The following LRGUK variants were observed in gnomAD, a reference collection of about 807,000 sequenced individuals.
The protein encoded by LRGUK is leucine rich repeats and guanylate kinase domain containing.
Under a neutral mutation model 76.0 loss-of-function variants are expected in LRGUK, and 65 were observed. That is an observed-to-expected ratio of 0.85 (90% confidence interval 0.70 to 1.05). LRGUK has a LOEUF of 1.05. LRGUK is among the 50% of genes least tolerant of loss of function. The probability of loss-of-function intolerance (pLI) is 0.00; values close to 1 mark genes in which losing one functional copy is unlikely to be tolerated. For synonymous variants in LRGUK, 268 were observed against 265.6 expected (o/e 1.01, Z -0.09); for missense variants, 758 against 732.8 (o/e 1.03, Z -0.40).
chr7:134,237,290 C>G (rs759183744), intron 16 of LRGUK, among the ~76,000 whole-genome samples: 13 of 151,860 alleles, frequency 8.6e-5, no homozygotes, highest in African/African-American at 3.1e-4. Context: ...CTTGACCTTG[C>G]GACGCGCCTG....
intron 15 of LRGUK, among the ~76,000 whole-genome samples, chr7:134,220,494 C>T (rs1167330233): frequency 6.6e-6 from 1 of 152,064 alleles, no homozygotes; most frequent in East Asian, 1.9e-4. Flanking sequence ...TGTCCCCAGG[C>T]AAAGTCCCTA....
At chr7:134,266,714 G>A (rs1170978231), downstream of LRGUK, among the ~76,000 whole-genome samples, 1 of 152,196 alleles carries the variant, frequency 6.6e-6, no homozygotes, top group Non-Finnish European at 1.5e-5. Flanking sequence ...TACAAAAAGA[G>A]TGTGAGACTG....
chr7:134,170,624 T>C (rs1799200891), intron 7 of LRGUK, among the ~76,000 whole-genome samples: 1 of 152,146 alleles, frequency 6.6e-6, no homozygotes, highest in Non-Finnish European at 1.5e-5. Flanking sequence ...CATTGTATGC[T>C]TGTATCAAAA....
intron 16 of LRGUK, among the ~76,000 whole-genome samples, chr7:134,238,087 A>G (rs895391451): frequency 1.3e-5 from 2 of 152,198 alleles, no homozygotes; most frequent in African/African-American, 4.8e-5. Context: ...TAGCTACACT[A>G]TCAAAGCATA....
chr7:134,212,859 C>T (rs1302732923), downstream of LRGUK, among the ~76,000 whole-genome samples: 3 of 152,082 alleles, frequency 2.0e-5, no homozygotes, highest in African/African-American at 7.2e-5. Flanking sequence ...CTGAAGGCCC[C>T]ACAGCGTGTT....
At chr7:134,234,787 C>T (rs1340686519) in intron 16 of LRGUK, among the ~76,000 whole-genome samples, 1 of 151,016 alleles carries the variant, frequency 6.6e-6, no homozygotes, top group East Asian at 2.0e-4. Context: ...TCCTTTTCTT[C>T]CTTTCCCTTC....
intron 1 of LRGUK, among the ~76,000 whole-genome samples, chr7:134,134,249 G>C (rs571945602): frequency 2.7e-4 from 41 of 152,232 alleles, no homozygotes; most frequent in African/African-American, 9.4e-4. Context: ...TGTGGGATTA[G>C]AGAGAAACAC....
intron 16 of LRGUK, among the ~76,000 whole-genome samples, chr7:134,244,498 A>G (rs1802243271): frequency 6.6e-6 from 1 of 152,226 alleles, no homozygotes; most frequent in Non-Finnish European, 1.5e-5. Flanking sequence ...TCAAAACCAC[A>G]ATGAGATACC....
In LRGUK at chr7:134,257,810, C is replaced by CA. The variant is rs374182050; in HGVS notation, c.2199-436dup. On this transcript the variant is annotated intron_variant, in intron 18 of 19. Coordinates refer to the LRGUK transcript ENST00000285928. ...CAGAATAAGACTCTGTCTCCAAAAA[C>CA]AAAAAAAAAAAGGAAGCAAAATCAC... Among the ~76,000 whole-genome samples, 354 of 142,188 alleles carry CA rather than the reference C, an allele frequency of 2.5e-3. 1 individual carries two copies. The highest frequency in any genetic ancestry group is 4.0e-3 in the Non-Finnish European group (258 of 64,132). 93.3% of individuals were successfully genotyped at this position (142,188 alleles called of 152,430 possible). A position where few individuals can be genotyped will look rare whatever the true frequency, so the allele number is the denominator to read the frequency against.
intron 16 of LRGUK, among the ~76,000 whole-genome samples, chr7:134,245,464 A>G (rs1288211622): frequency 6.6e-6 from 1 of 152,164 alleles, no homozygotes; most frequent in Admixed American, 6.5e-5. Context: ...TCCTGCATAG[A>G]TACTGATACC....
intron 16 of LRGUK, among the ~76,000 whole-genome samples, chr7:134,231,222 A>T (rs1037235724): frequency 1.2e-4 from 19 of 152,202 alleles, no homozygotes; most frequent in Non-Finnish European, 2.1e-4. Context: ...TTACTACCCC[A>T]CTGAACATAA....
chr7:134,131,049 G>T (rs1797279092), intron 1 of LRGUK, among the ~76,000 whole-genome samples: 1 of 152,108 alleles, frequency 6.6e-6, no homozygotes, highest in Non-Finnish European at 1.5e-5. Flanking sequence ...GATTAATTTA[G>T]CCTTCATTGA....
chr7:134,163,322 C>A, intron 6 of LRGUK, 75 bp from the exon 7 acceptor site: 1 of 1,381,180 alleles, frequency 7.2e-7, no homozygotes, highest in Non-Finnish European at 9.8e-7. Context: ...GGTCAGTATC[C>A]CAAATGAAAA....
At chr7:134,146,952 T>C (rs201339159) in intron 4 of LRGUK, among the ~76,000 whole-genome samples, 5 of 115,960 alleles carry the variant, frequency 4.3e-5, no homozygotes, top group Non-Finnish European at 5.4e-5. Flanking sequence ...TTAAAAAAAC[T>C]TTTTTTGTTT....
chr7:134,240,615 T>G (rs1802125615), intron 16 of LRGUK, among the ~76,000 whole-genome samples: 2 of 152,182 alleles, frequency 1.3e-5, no homozygotes, highest in African/African-American at 4.8e-5. Context: ...TGGAACCAAG[T>G]TGGAAAACAG....
chr7:134,210,072 CAG>C lies in LRGUK; in HGVS notation c.3210_3211del (p.Ala1072Ter), dbSNP rs1488747836. On this transcript the variant is annotated frameshift_variant, in exon 16 of 16. Transcript: ENST00000645682. LOFTEE classifies it low-confidence loss of function (END_TRUNC). ...CACAACCAGGGGCCACTTCAGCAGA[CAG>C]GGGCTAGGGAAAAAAAGCTCCCCAA... is the stretch of plus-strand genomic sequence containing the variant. 1.0e-5 allele frequency: 4 copies of C among 399,268 alleles called. No individual in the cohort carries two copies. The highest frequency in any genetic ancestry group is 1.8e-5 in the Non-Finnish European group (4 of 226,456). The allele number at this position is 399,268 out of a possible 1,614,324, so 24.7% of individuals were successfully genotyped here.
chr7:134,198,010 G>A (rs1005539222), intron 13 of LRGUK, among the ~76,000 whole-genome samples: 1 of 152,146 alleles, frequency 6.6e-6, no homozygotes, highest in Non-Finnish European at 1.5e-5. Flanking sequence ...TGTCAACTCT[G>A]AATCTTTCTT....
At chr7:134,248,917 TG>T (rs750261015) in intron 17 of LRGUK, 33 bp from the exon 18 acceptor site, 2 of 1,399,446 alleles carry the variant, frequency 1.4e-6, no homozygotes, top group Non-Finnish European at 1.9e-6. Flanking sequence ...CAAAATCCTT[TG>T]GTTTTTTTTT....
chr7:134,148,323 T>A lies in LRGUK; in HGVS notation c.670+4T>A. The A allele has an allele frequency of 6.5e-7, 1 of 1,536,982 alleles. No individual in the cohort carries two copies. On this transcript the variant is annotated splice_donor_region_variant and intron_variant, in intron 5 of 15. Coordinates refer to ENST00000645682, the Ensembl canonical transcript of LRGUK. The stretch of plus-strand genomic sequence containing the variant: ...CTCACTAAACTAATTTTGGATGGTA[T>A]CCTTTGAATAAGTAAAGGGGAAAAT...
Sources: gnomAD v4.1 joint callset for allele counts (sites outside exome capture counted in the v4.1 genomes callset) on GRCh38, gnomAD v4.1.1 for gene constraint, MANE v1.5 for transcripts, NCBI Gene and HGNC (gene_info 2026-07-23, HGNC 2026-07-21) for gene names.